TENM4: variants seen among roughly 807,000 people sequenced by gnomAD.
TENM4 encodes the protein teneurin transmembrane protein 4, also known as teneurin-4.
A neutral mutation model predicts 243.3 loss-of-function variants in TENM4; 82 were observed. That is an observed-to-expected ratio of 0.34 (90% confidence interval 0.28 to 0.40). TENM4 has a LOEUF of 0.40. TENM4 is among the 10% of genes least tolerant of loss of function. The pLI is 1.00. For missense variants in TENM4, 3,138 were observed against 3,673.3 expected, an observed-to-expected ratio of 0.85 and a Z score of 3.77; for synonymous variants, 1,412 against 1,456.3, an observed-to-expected ratio of 0.97 and a Z score of 0.69.
At chr11:79,140,848 C>T (rs1310881872) in intron 4 of TENM4, among the ~76,000 whole-genome samples, 1 of 152,018 alleles carries the variant, frequency 6.6e-6, no homozygotes, top group Admixed American at 6.6e-5. Flanking sequence ...TTCTGCTGCT[C>T]TGAGGGAAGC....
At chr11:78,923,134 G>T (rs776523754) in intron 6 of TENM4, among the ~76,000 whole-genome samples, 5 of 152,134 alleles carry the variant, frequency 3.3e-5, no homozygotes, top group Non-Finnish European at 5.9e-5. Context: ...AGTCTGTGGT[G>T]AGGGCCAGAT....
intron 1 of TENM4, among the ~76,000 whole-genome samples, chr11:79,339,342 T>A (rs1857204738): frequency 6.6e-6 from 1 of 152,206 alleles, no homozygotes; most frequent in African/African-American, 2.4e-5. Context: ...GTCGTGGAGA[T>A]CAAACTTGGT....
At chr11:79,000,523 T>C (rs566739824) in intron 6 of TENM4, among the ~76,000 whole-genome samples, 2 of 152,196 alleles carry the variant, frequency 1.3e-5, no homozygotes, top group African/African-American at 4.8e-5. Flanking sequence ...TGGAGCATAG[T>C]TTTCAGGTTT....
intron 4 of TENM4, among the ~76,000 whole-genome samples, chr11:79,122,041 A>G (rs1861755412): frequency 6.6e-6 from 1 of 152,206 alleles, no homozygotes; most frequent in Admixed American, 6.5e-5. Context: ...ATACTAAGGT[A>G]AAATTTCAAT....
chr11:78,893,780 T>TACACACACACACACACACACAC (rs368536086), intron 7 of TENM4, among the ~76,000 whole-genome samples: 7,909 of 142,532 alleles, frequency 0.055, 498 homozygotes, highest in African/African-American at 0.14. Context: ...GGACTTCACA[T>TACACACACACACACACACACAC]ACACACACAC....
chr11:78,929,039 T>C (rs1161908081), intron 6 of TENM4, among the ~76,000 whole-genome samples: 5 of 152,206 alleles, frequency 3.3e-5, no homozygotes, highest in Non-Finnish European at 5.9e-5. Flanking sequence ...ACCCCATCTG[T>C]GCTCTGGCAG....
intron 1 of TENM4, among the ~76,000 whole-genome samples, chr11:79,428,806 C>G (rs1019907539): frequency 6.6e-6 from 1 of 152,190 alleles, no homozygotes; most frequent in African/African-American, 2.4e-5. Flanking sequence ...TCACTCACCT[C>G]GTACATAAAT....
intron 4 of TENM4, among the ~76,000 whole-genome samples, chr11:79,077,919 G>T (rs1193711947): frequency 6.6e-6 from 1 of 152,196 alleles, no homozygotes; most frequent in Non-Finnish European, 1.5e-5. Context: ...GGCTGGAGCT[G>T]GTCTGGAAGA....
At chr11:79,311,127 T>C (rs1324586186) in intron 1 of TENM4, among the ~76,000 whole-genome samples, 3 of 152,150 alleles carry the variant, frequency 2.0e-5, no homozygotes, top group East Asian at 3.9e-4. Flanking sequence ...ATGGAAACCA[T>C]TCTGATTGCT....
intron 18 of TENM4, among the ~76,000 whole-genome samples, chr11:78,766,194 T>C (rs1856536603): frequency 1.3e-5 from 2 of 152,292 alleles, no homozygotes; most frequent in Middle Eastern, 3.4e-3. Flanking sequence ...ATCCAGATAA[T>C]CTGGGTACAG....
At chr11:78,917,095 G>A (rs1856334329) in intron 6 of TENM4, among the ~76,000 whole-genome samples, 1 of 152,076 alleles carries the variant, frequency 6.6e-6, no homozygotes, top group East Asian at 1.9e-4. Context: ...GATGTTTTGG[G>A]GACCACAAAA....
intron 4 of TENM4, among the ~76,000 whole-genome samples, chr11:79,114,058 C>G (rs982837256): frequency 6.6e-6 from 1 of 152,178 alleles, no homozygotes; most frequent in Non-Finnish European, 1.5e-5. Flanking sequence ...AGGACCTCCT[C>G]TGTTCTCTGT....
At chr11:79,080,786 C>T (rs1860648731) in intron 4 of TENM4, among the ~76,000 whole-genome samples, 1 of 152,192 alleles carries the variant, frequency 6.6e-6, no homozygotes, top group Non-Finnish European at 1.5e-5. Flanking sequence ...TTCCTTCTCC[C>T]TAGAAAAACC....
intron 1 of TENM4, among the ~76,000 whole-genome samples, chr11:79,321,821 T>G (rs184025888): frequency 1.3e-5 from 2 of 152,210 alleles, no homozygotes; most frequent in Admixed American, 1.3e-4. Flanking sequence ...GCTTGAGGTA[T>G]CAGAAGGGCT....
At chr11:79,104,444 A>T (rs138392899) in intron 4 of TENM4, among the ~76,000 whole-genome samples, 5 of 152,318 alleles carry the variant, frequency 3.3e-5, no homozygotes, top group Non-Finnish European at 1.5e-5. Flanking sequence ...TTAACATTAG[A>T]GATGTGACCT....
intron 2 of TENM4, among the ~76,000 whole-genome samples, chr11:79,288,446 T>C (rs1856295314): frequency 6.6e-6 from 1 of 152,208 alleles, no homozygotes; most frequent in South Asian, 2.1e-4. Flanking sequence ...CAATGACCTG[T>C]GGGATTGAAA....
intron 2 of TENM4, among the ~76,000 whole-genome samples, chr11:79,294,288 A>G (rs1404604695): frequency 6.6e-6 from 1 of 152,174 alleles, no homozygotes; most frequent in Non-Finnish European, 1.5e-5. Flanking sequence ...ATCATCCCTA[A>G]AGCCTATTTA....
chr11:79,180,008 T>C (rs894920198), intron 3 of TENM4, among the ~76,000 whole-genome samples: 2 of 151,808 alleles, frequency 1.3e-5, no homozygotes, highest in Non-Finnish European at 2.9e-5. Flanking sequence ...ATGATCTCTC[T>C]GTCTCCAAAA....
chr11:78,963,243 G>A (rs56968842), intron 6 of TENM4, among the ~76,000 whole-genome samples: 2,608 of 152,242 alleles, frequency 0.017, 74 homozygotes, highest in African/African-American at 0.059. Flanking sequence ...ATCATGCCAC[G>A]GTTCTAAAAC....
Sources: allele counts gnomAD v4.1 joint callset (sites outside exome capture counted in the v4.1 genomes callset), GRCh38; gene constraint gnomAD v4.1.1; transcripts MANE v1.5; gene names NCBI Gene and HGNC (gene_info 2026-07-23, HGNC 2026-07-21).